The following CDH4 variants were observed in gnomAD, a reference collection of about 807,000 sequenced individuals.
CDH4 encodes the protein cadherin-4.
CDH4 carries 33 observed loss-of-function variants against 86.0 expected under a neutral mutation model. That is an observed-to-expected ratio of 0.38 (90% CI 0.29 to 0.51). The LOEUF is 0.51. CDH4 is among the 20% of genes least tolerant of loss of function. The pLI, the probability that CDH4 is intolerant of heterozygous loss-of-function variation, is 0.86. For missense variants in CDH4, 1,114 were observed against 1,307.4 expected, an observed-to-expected ratio of 0.85 and a Z score of 2.28; for synonymous variants, 555 against 549.4, an observed-to-expected ratio of 1.01 and a Z score of -0.14.
chr20:61,283,587 G>T (rs866738737), intron 2 of CDH4, among the ~76,000 whole-genome samples: 8 of 151,614 alleles, frequency 5.3e-5, no homozygotes, highest in Middle Eastern at 3.2e-3. Flanking sequence ...CGTGTGTGCT[G>T]TGGTGTGTGT....
chr20:61,307,279 C>T (rs1291365276), intron 2 of CDH4, among the ~76,000 whole-genome samples: 4 of 151,972 alleles, frequency 2.6e-5, no homozygotes, highest in South Asian at 2.1e-4. Context: ...CCTGCATGCT[C>T]CAACACACAT....
At chr20:61,858,951 T>C (rs1432914375) in intron 6 of CDH4, among the ~76,000 whole-genome samples, 1 of 152,202 alleles carries the variant, frequency 6.6e-6, no homozygotes, top group African/African-American at 2.4e-5. Flanking sequence ...TGGGGTCATC[T>C]CGGGAGCAGG....
intron 2 of CDH4, among the ~76,000 whole-genome samples, chr20:61,476,756 G>A (rs917347191): frequency 2.6e-5 from 4 of 152,240 alleles, no homozygotes; most frequent in African/African-American, 7.2e-5. Flanking sequence ...GCAAAACAGT[G>A]TTCCTGAATA....
intron 2 of CDH4, among the ~76,000 whole-genome samples, chr20:61,437,805 G>T (rs1247614178): frequency 6.6e-6 from 1 of 152,126 alleles, no homozygotes; most frequent in African/African-American, 2.4e-5. Flanking sequence ...CACTCCACAC[G>T]ACGGTTAGGA....
chr20:61,609,574 C>T (rs1008687051), intron 2 of CDH4, among the ~76,000 whole-genome samples: 8 of 152,166 alleles, frequency 5.3e-5, no homozygotes, highest in Non-Finnish European at 1.0e-4. Flanking sequence ...AGGTGGAGAC[C>T]CAGCACACGA....
intron 2 of CDH4, among the ~76,000 whole-genome samples, chr20:61,701,678 A>G (rs1209167062): frequency 1.3e-5 from 2 of 152,264 alleles, no homozygotes; most frequent in Middle Eastern, 3.2e-3. Context: ...CGGACTCACC[A>G]GGCAGGCCTC....
chr20:61,469,162 C>A (rs187174426), intron 2 of CDH4, among the ~76,000 whole-genome samples: 1 of 152,270 alleles, frequency 6.6e-6, no homozygotes, highest in African/African-American at 2.4e-5. Context: ...AATTTACATT[C>A]CCACCCACAG....
chr20:61,332,098 G>A lies in CDH4; in HGVS notation c.169+77161G>A, dbSNP rs982339164. Among the ~76,000 whole-genome samples, 10 of 152,256 alleles carry A rather than the reference G, an allele frequency of 6.6e-5. No individual in the cohort carries two copies. In the South Asian group the frequency reaches 1.5e-3, roughly 22 times the overall value. ...CTCCTGGCTGAGAACACAGACACTC[G>A]ACAGCGATGCCCGGCTTCCCAGAGA... On this transcript the variant is annotated intron_variant, in intron 2 of 15. Coordinates refer to ENST00000614565, the MANE Select transcript of CDH4 (RefSeq NM_001794.5).
chr20:61,499,422 GA>G (rs753175490), intron 2 of CDH4: 1 of 1,287,314 alleles, frequency 7.8e-7, no homozygotes, highest in South Asian at 1.2e-5. Context: ...GCCTGGTTCA[GA>G]ACAAGGATTC....
intron 2 of CDH4, among the ~76,000 whole-genome samples, chr20:61,565,113 C>CTCTTGGTGGTGCTCTTGG (rs1190588025): frequency 1.7e-5 from 1 of 57,684 alleles, no homozygotes; most frequent in Non-Finnish European, 3.4e-5. Flanking sequence ...CTTGGTGGTG[C>CTCTTGGTGGTGCTCTTGG]TGGTGCTCTT....
Position 61,756,099 on chromosome 20 carries a change from A to G in CDH4, c.396+12310A>G, listed in dbSNP as rs541227617. Among the ~76,000 whole-genome samples the G allele has an allele frequency of 1.1e-4, 17 of 152,320 alleles. No homozygotes were observed. In the South Asian group the frequency reaches 3.1e-3, roughly 28 times the overall value. ...AGCTCTCATGCCTTCTCCTCTGCAC[A>G]TTCTGATGAATCACAGACAGCCTAA... On this transcript the variant is annotated intron_variant, in intron 3 of 15. Transcript: ENST00000614565.
At chr20:61,842,054 G>A (rs776552868) in intron 4 of CDH4, among the ~76,000 whole-genome samples, 1 of 152,212 alleles carries the variant, frequency 6.6e-6, no homozygotes, top group African/African-American at 2.4e-5. Flanking sequence ...TCTATGAATT[G>A]GAGTTTTTCC....
intron 2 of CDH4, among the ~76,000 whole-genome samples, chr20:61,549,196 T>C (rs751128899): frequency 7.2e-5 from 11 of 152,162 alleles, no homozygotes; most frequent in Non-Finnish European, 1.3e-4. Context: ...AAACAGTCCT[T>C]CTGACCCCAA....
intron 2 of CDH4, among the ~76,000 whole-genome samples, chr20:61,723,948 A>G (rs2088077211): frequency 7.7e-6 from 1 of 129,410 alleles, no homozygotes; most frequent in Non-Finnish European, 1.7e-5. Flanking sequence ...GTCCCCATGC[A>G]GGGGGCACAG....
At chr20:61,394,543 G>A (rs1157268292) in intron 2 of CDH4, among the ~76,000 whole-genome samples, 2 of 152,074 alleles carry the variant, frequency 1.3e-5, no homozygotes, top group African/African-American at 4.8e-5. Context: ...AGAAGTAGGT[G>A]ACAGGTAGCA....
intron 2 of CDH4, among the ~76,000 whole-genome samples, chr20:61,573,663 G>A (rs6121697): frequency 0.057 from 8,735 of 152,234 alleles, 528 homozygotes; most frequent in African/African-American, 0.15. Flanking sequence ...TGAGCAGCAT[G>A]AGCCTGAAGC....
At position 61,807,560 on chromosome 20, in the gene CDH4, G is replaced by A. The variant is rs749875654; in HGVS notation, c.576+34378G>A. ...AGGTGCAGCTGTGTCCACCATCAGC[G>A]AGGGGAGTGTGACCAAGGGCAGGTG... On this transcript the variant is annotated intron_variant, in intron 4 of 15. Transcript: ENST00000614565. The surrounding 1 kb of genome is among the most constrained non-coding windows in gnomAD (Gnocchi z 4.5). Among the ~76,000 whole-genome samples the A allele has an allele frequency of 9.2e-5, 14 of 152,206 alleles. No individual in the cohort carries two copies. The highest frequency in any genetic ancestry group is 2.0e-4 in the Admixed American group (3 of 15,288).
At chr20:61,531,329 G>A (rs922794319) in intron 2 of CDH4, among the ~76,000 whole-genome samples, 13 of 150,700 alleles carry the variant, frequency 8.6e-5, no homozygotes, top group South Asian at 6.3e-4. Flanking sequence ...AAAATTAGCC[G>A]GGCATGGTGG....
intron 2 of CDH4, among the ~76,000 whole-genome samples, chr20:61,732,300 T>C (rs1340766503): frequency 6.6e-6 from 1 of 152,216 alleles, no homozygotes; most frequent in East Asian, 1.9e-4. Flanking sequence ...GTCTCTGCAC[T>C]GCCTCAGGGA....
Sources: allele counts gnomAD v4.1 joint callset (sites outside exome capture counted in the v4.1 genomes callset), GRCh38; gene constraint gnomAD v4.1.1; non-coding constraint Gnocchi (gnomAD v3.1); transcripts MANE v1.5; gene names NCBI Gene and HGNC (gene_info 2026-07-23, HGNC 2026-07-21).